The following TSC1 variants were observed in gnomAD, a reference collection of about 807,000 sequenced individuals.
The protein encoded by TSC1 is hamartin.
TSC1 carries 20 observed loss-of-function variants against 124.3 expected under a neutral mutation model. The observed-to-expected ratio is 0.16, with a 90% CI of 0.11 to 0.23. TSC1 has a LOEUF of 0.23. Ranked by LOEUF, TSC1 falls within the 10% of genes least tolerant of loss-of-function variation. TSC1 has a pLI of 1.00. For synonymous variants in TSC1, 493 were observed against 539.1 expected (o/e 0.91, Z 1.19); for missense variants, 1,124 against 1,448.5 (o/e 0.78, Z 3.64).
chr9:132,940,308 C>T (rs149393553), intron 1 of TSC1, among the ~76,000 whole-genome samples: 16 of 151,780 alleles, frequency 1.1e-4, no homozygotes, highest in Non-Finnish European at 2.2e-4. Context: ...CTAAAATGAT[C>T]AGCTGGGTTT....
At chr9:132,939,934 G>A (rs1277317856) in intron 1 of TSC1, among the ~76,000 whole-genome samples, 2 of 152,054 alleles carry the variant, frequency 1.3e-5, no homozygotes, top group Non-Finnish European at 2.9e-5. Context: ...TAATTCTGAC[G>A]TCCACTAAAG....
At position 132,928,953 on chromosome 9, in the gene TSC1, C is replaced by G; in HGVS notation, c.-80-1G>C. On this transcript the variant is annotated splice_acceptor_variant, in intron 2 of 22. Coordinates refer to ENST00000298552, the MANE Select transcript of TSC1 (RefSeq NM_000368.5). LOFTEE classifies it low-confidence loss of function (5UTR_SPLICE). ...GTTCTTCATTGGGGCCACTACCAAA[C>G]TGAGAAAAAGGAAGATGAACAGTCA... is the stretch of plus-strand genomic sequence containing the variant. The G allele has an allele frequency of 1.9e-6, 3 of 1,597,274 alleles. No homozygotes were observed.
At chr9:132,919,535 C>T (rs1025973041) in intron 8 of TSC1, among the ~76,000 whole-genome samples, 30 of 152,220 alleles carry the variant, frequency 2.0e-4, no homozygotes, top group Admixed American at 2.0e-3. Flanking sequence ...TGGAATAATG[C>T]CTTCAAATTA....
intron 4 of TSC1, chr9:132,926,973 A>G: frequency 3.9e-6 from 2 of 508,224 alleles, no homozygotes; most frequent in Non-Finnish European, 7.1e-6. Context: ...CACCCGGCCC[A>G]AACAAGATCT....
intron 1 of TSC1, among the ~76,000 whole-genome samples, chr9:132,938,610 T>C (rs1847583667): frequency 6.6e-6 from 1 of 152,228 alleles, no homozygotes; most frequent in African/African-American, 2.4e-5. Context: ...GGATGGCTTA[T>C]ATGCCTAGGA....
chr9:132,919,147 G>C (rs561481830), intron 8 of TSC1, among the ~76,000 whole-genome samples: 1 of 152,206 alleles, frequency 6.6e-6, no homozygotes, highest in Non-Finnish European at 1.5e-5. Flanking sequence ...AACAACAGTA[G>C]GTATTTGTGT....
chr9:132,939,131 C>T (rs1295676694), intron 1 of TSC1: 1 of 152,164 alleles, frequency 6.6e-6, no homozygotes, highest in Non-Finnish European at 1.5e-5. Flanking sequence ...AAATGTTACA[C>T]TGTTAAGTTA....
At chr9:132,897,047 G>C in intron 22 of TSC1, 137 bp downstream of exon 22, 1 of 1,392,450 alleles carries the variant, frequency 7.2e-7, no homozygotes, top group Non-Finnish European at 1.0e-6. Flanking sequence ...ACGTCAGAGT[G>C]GGTCTCTGAC....
rs116148731 is a variant in TSC1, at chr9:132,916,095, C to A, written c.738-3638G>T. On this transcript the variant is annotated intron_variant, in intron 8 of 22. Coordinates refer to ENST00000298552, the MANE Select transcript of TSC1 (RefSeq NM_000368.5). ...TTTATGCACTTACAGTATTTCCCTG[C>A]TTCTTAAAAGGACTTTTCATATTTT... Among the ~76,000 whole-genome samples the A allele has an allele frequency of 1.2e-3, 176 of 152,284 alleles. 1 individual carries two copies. Among genetic ancestry groups the A allele is most frequent in the African/African-American group, 4.1e-3 (170 of 41,546 alleles).
chr9:132,944,803 A>G, upstream of TSC1: 1 of 391,108 alleles, frequency 2.6e-6, no homozygotes, highest in Non-Finnish European at 4.5e-6. Flanking sequence ...AAAAGTAAGG[A>G]GGGTTTTTAT....
chr9:132,900,501 C>T, intron 20 of TSC1: 1 of 633,566 alleles, frequency 1.6e-6, no homozygotes, highest in Middle Eastern at 4.5e-4. Flanking sequence ...TAGGTGCTTT[C>T]AGTGTGAGTT....
At position 132,896,644 on chromosome 9, in the gene TSC1, C is replaced by A. The variant is rs796053450; in HGVS notation, c.3086G>T (p.Ser1029Ile). 24 of 1,613,996 alleles carry A rather than the reference C, an allele frequency of 1.5e-5. No individual in the cohort carries two copies. Among genetic ancestry groups the A allele is most frequent in the Non-Finnish European group, 2.0e-5 (24 of 1,179,946 alleles). The stretch of plus-strand genomic sequence containing the variant: ...GCCTCCACCACCTCTGCTTCCACTA[C>A]TGCCCCGGGCGCTGCTGGGCCTGGG... ...KTPRPSSARG[S>I]SGSRGGGGSS... is the part of the protein sequence containing the mutation. Residue 1029 changes from serine to isoleucine, a missense_variant, in exon 23 of 23, where the codon AGT becomes ATT. Ser to Ile is a moderately radical substitution (Grantham distance 142). Transcript: ENST00000298552. This position sits in a 1 kb window ranked among gnomAD's most constrained non-coding sequence, Gnocchi z 4.5.
At position 132,893,396 on chromosome 9, in the gene TSC1, A is replaced by T. The variant is rs1489972794; in HGVS notation, c.*2839T>A. 1 of 233,100 alleles carries T rather than the reference A, an allele frequency of 4.3e-6. No individual in the cohort carries two copies. The highest frequency in any genetic ancestry group is 8.5e-6 in the Non-Finnish European group (1 of 118,044). The allele number at this position is 233,100 out of a possible 1,614,324, so 14.4% of individuals were successfully genotyped here. ...TTCCAATCCCATAATAACAATTTTTATAGACTGTATAGCAGAGCCTTGTCA... is the reference window on the plus strand; with the variant it reads ...TTCCAATCCCATAATAACAATTTTTTTAGACTGTATAGCAGAGCCTTGTCA... On this transcript the variant is annotated 3_prime_UTR_variant, in exon 23 of 23. Coordinates refer to ENST00000298552, the MANE Select transcript of TSC1 (RefSeq NM_000368.5).
intron 11 of TSC1, 97 bp downstream of exon 11, chr9:132,910,905 C>T: frequency 7.4e-7 from 1 of 1,352,068 alleles, no homozygotes; most frequent in Non-Finnish European, 1.1e-6. Context: ...AACAAGTTTA[C>T]AACAGCAAGT....
rs540869574 is a variant in TSC1, at chr9:132,892,849, A to T, written c.*3386T>A. 7 of 233,114 alleles carry T rather than the reference A, an allele frequency of 3.0e-5. No individual in the cohort carries two copies. The highest frequency in any genetic ancestry group is 5.9e-5 in the Non-Finnish European group (7 of 118,064). The allele number at this position is 233,114 out of a possible 1,614,324, so 14.4% of individuals were successfully genotyped here. A position where few individuals can be genotyped will look rare whatever the true frequency, so the allele number is the denominator to read the frequency against. On this transcript the variant is annotated 3_prime_UTR_variant, in exon 23 of 23. Transcript: ENST00000298552. ...CCTCTGTGGTCTCAGAGATCCTTTC[A>T]TCCCCATGACCATTTTATACATCCT...
intron 8 of TSC1, among the ~76,000 whole-genome samples, chr9:132,916,592 T>A (rs940410189): frequency 6.6e-6 from 1 of 152,370 alleles, no homozygotes; most frequent in African/African-American, 2.4e-5. Flanking sequence ...GAGTATACTA[T>A]GATAATATTT....
At chr9:132,913,874 GTTTTT>G (rs1180988197) in intron 8 of TSC1, among the ~76,000 whole-genome samples, 1 of 138,798 alleles carries the variant, frequency 7.2e-6, no homozygotes, top group African/African-American at 2.6e-5. Flanking sequence ...CCTCCCATGG[GTTTTT>G]TGTTTTGTTT....
rs1193201876 is a variant in TSC1, at chr9:132,922,106, G to A, written c.509-133C>T. On this transcript the variant is annotated intron_variant, in intron 6 of 22. Coordinates refer to ENST00000298552, the MANE Select transcript of TSC1 (RefSeq NM_000368.5). Reference sequence around the variant, plus strand: ...TCCCACCTCACTCCAAAGACAGGAAGAGTGGTTTTCTAAAATGCAAACAAA... The same window carrying A: ...TCCCACCTCACTCCAAAGACAGGAAAAGTGGTTTTCTAAAATGCAAACAAA... 11 of 1,101,896 alleles carry A rather than the reference G, an allele frequency of 1.0e-5. No homozygotes were observed. In the African/African-American group the frequency reaches 1.1e-4, roughly 11 times the overall value. The allele number at this position is 1,101,896 out of a possible 1,614,324, so 68.3% of individuals were successfully genotyped here.
intron 1 of TSC1, among the ~76,000 whole-genome samples, chr9:132,937,101 A>G (rs1457006951): frequency 1.3e-5 from 2 of 152,206 alleles, no homozygotes; most frequent in Non-Finnish European, 2.9e-5. Flanking sequence ...TCTGACAGGG[A>G]GTGCTTGCCT....
Sources: gnomAD v4.1 joint callset for allele counts (sites outside exome capture counted in the v4.1 genomes callset) on GRCh38, gnomAD v4.1.1 for gene constraint, Gnocchi (gnomAD v3.1) non-coding constraint, MANE v1.5 for transcripts, NCBI Gene and HGNC (gene_info 2026-07-23, HGNC 2026-07-21) for gene names.